The following TET1 variants were observed in gnomAD, a reference collection of about 807,000 sequenced individuals.
TET1 encodes tet methylcytosine dioxygenase 1.
In TET1, 13 loss-of-function variants were observed where a neutral mutation model predicts 148.7. That is an observed-to-expected ratio of 0.09 (90% CI 0.06 to 0.14). The LOEUF (loss-of-function observed/expected upper bound fraction) is 0.14. Ranked by LOEUF, TET1 falls within the 10% of genes least tolerant of loss-of-function variation. TET1 has a pLI of 1.00. For synonymous variants in TET1, 907 were observed against 937.2 expected, an observed-to-expected ratio of 0.97 and a Z score of 0.59; for missense variants, 2,182 against 2,553.8, an observed-to-expected ratio of 0.85 and a Z score of 3.14.
chr10:68,659,331 A>AT lies in TET1; in HGVS notation c.4461+6746dup, dbSNP rs1023983494. Among the ~76,000 whole-genome samples the AT allele has an allele frequency of 5.9e-5, 9 of 151,504 alleles. No homozygotes were observed. In the East Asian group the frequency reaches 7.7e-4, roughly 13 times the overall value. On this transcript the variant is annotated intron_variant, in intron 6 of 11. Coordinates refer to ENST00000373644, the MANE Select transcript of TET1 (RefSeq NM_030625.3). ...ATGTGGCAATGAATACCTACAAGTG[A>AT]TTTTTTTTTCTTTGGAGATGAAGTC... is the stretch of plus-strand genomic sequence containing the variant.
chr10:68,574,094 A>G lies in TET1; in HGVS notation c.1756A>G (p.Lys586Glu). Residue 586 changes from lysine (K) to glutamate (E), a missense_variant, in exon 2 of 12, where the codon AAG (lysine) becomes GAG (glutamate). Physicochemically the swap from Lys to Glu is moderately conservative, Grantham distance 56. This residue lies in a region of TET1 where 226 missense variants were observed against 307.4 expected (regional missense o/e 0.74). Coordinates refer to ENST00000373644, the MANE Select transcript of TET1 (RefSeq NM_030625.3). ...YTTLLPTLEK[K>E]KRKRCGVCEP... Reference sequence around the variant, plus strand: ...CACTTTGCTACCGACTTTGGAAAAGAAGAAAAGAAAGCGATGTGGGGTCTG... The same window carrying G: ...CACTTTGCTACCGACTTTGGAAAAGGAGAAAAGAAAGCGATGTGGGGTCTG... The G allele has an allele frequency of 6.2e-7, 1 of 1,614,190 alleles. No individual in the cohort carries two copies. The highest frequency in any genetic ancestry group is 8.5e-7 in the Non-Finnish European group (1 of 1,180,042).
intron 2 of TET1, among the ~76,000 whole-genome samples, chr10:68,574,953 T>G (rs1657782724): frequency 6.6e-6 from 1 of 152,242 alleles, no homozygotes; most frequent in South Asian, 2.1e-4. Flanking sequence ...TTAGGGAGCT[T>G]GGTTAAAACC....
At chr10:68,608,237 CTATT>C (rs1037440694) in intron 3 of TET1, among the ~76,000 whole-genome samples, 1 of 139,090 alleles carries the variant, frequency 7.2e-6, no homozygotes, top group Non-Finnish European at 1.6e-5. Flanking sequence ...CGACAATGTC[CTATT>C]TATTTATTTA....
intron 3 of TET1, among the ~76,000 whole-genome samples, chr10:68,626,357 T>TTTGC (rs113075071): frequency 4.0e-5 from 6 of 151,888 alleles, no homozygotes; most frequent in South Asian, 2.1e-4. Flanking sequence ...ATACTATTTA[T>TTTGC]TTGCTTGCTT....
chr10:68,690,426 T>C (rs1161771450), intron 11 of TET1, among the ~76,000 whole-genome samples: 1 of 151,988 alleles, frequency 6.6e-6, no homozygotes, highest in African/African-American at 2.4e-5. Context: ...GCTAACACGG[T>C]GAAACCCTGT....
intron 2 of TET1, among the ~76,000 whole-genome samples, chr10:68,583,527 T>C (rs990029941): frequency 6.6e-6 from 1 of 152,106 alleles, no homozygotes; most frequent in Non-Finnish European, 1.5e-5. Flanking sequence ...AAAGAGAAAT[T>C]TTGCTTTTTA....
At chr10:68,601,462 C>G (rs976816195) in intron 3 of TET1, among the ~76,000 whole-genome samples, 2 of 152,112 alleles carry the variant, frequency 1.3e-5, no homozygotes, top group African/African-American at 4.8e-5. Flanking sequence ...TGATTCTTTT[C>G]CAAAGAAAAA....
In TET1 at chr10:68,681,503, G is replaced by A. The variant is rs773333203; in HGVS notation, c.4914+15G>A. 1.9e-6 allele frequency: 3 copies of A among 1,565,348 alleles called. No homozygotes were observed. The highest frequency in any genetic ancestry group is 2.2e-5 in the South Asian group (2 of 88,922). ...ACCAAAATCAGGTATGTATTGGTAT[G>A]AACTTTTTATTTATTTATTAATTTG... On this transcript the variant is annotated intron_variant, in intron 9 of 11. Transcript: ENST00000373644.
chr10:68,660,719 G>A (rs2055095897), intron 6 of TET1, among the ~76,000 whole-genome samples: 1 of 151,382 alleles, frequency 6.6e-6, no homozygotes. Flanking sequence ...GGAGTGCAAT[G>A]ACGCGATCTC....
chr10:68,629,704 A>T (rs923874508), intron 3 of TET1, among the ~76,000 whole-genome samples: 1 of 151,730 alleles, frequency 6.6e-6, no homozygotes, highest in Non-Finnish European at 1.5e-5. Flanking sequence ...CACCCGGCCA[A>T]TTTTTTGTAT....
intron 3 of TET1, among the ~76,000 whole-genome samples, chr10:68,630,489 A>G (rs546563764): frequency 8.7e-4 from 133 of 152,120 alleles, no homozygotes; most frequent in African/African-American, 3.2e-3. Flanking sequence ...TCATTTTTGT[A>G]TTATTAGTAG....
At chr10:68,687,924 T>C (rs76274743) in intron 11 of TET1, among the ~76,000 whole-genome samples, 1 of 151,888 alleles carries the variant, frequency 6.6e-6, no homozygotes, top group African/African-American at 2.4e-5. Flanking sequence ...GGGTTTTGGG[T>C]TTTGGGGTTT....
In TET1 at chr10:68,694,063, G is replaced by A. The variant is rs948871316; in HGVS notation, c.*2249G>A. The A allele has an allele frequency of 5.6e-5, 13 of 231,802 alleles. No homozygotes were observed. Among genetic ancestry groups the A allele is most frequent in the South Asian group, 1.8e-4 (1 of 5,522 alleles). 14.4% of individuals were successfully genotyped at this position (231,802 alleles called of 1,614,324 possible). On this transcript the variant is annotated 3_prime_UTR_variant, in exon 12 of 12. Transcript: ENST00000373644. ...TATCTTCAGTATAATCCATGGTAATGTATGCAGTAATTCAAATTGATCTCT... is the reference window on the plus strand; with the variant it reads ...TATCTTCAGTATAATCCATGGTAATATATGCAGTAATTCAAATTGATCTCT...
intron 2 of TET1, among the ~76,000 whole-genome samples, chr10:68,579,128 A>G (rs1414244943): frequency 6.6e-6 from 1 of 152,234 alleles, no homozygotes; most frequent in East Asian, 1.9e-4. Flanking sequence ...TTACAAAGTA[A>G]CATTTAGCAA....
intron 3 of TET1, among the ~76,000 whole-genome samples, chr10:68,619,553 G>A (rs2054340665): frequency 6.6e-6 from 1 of 152,120 alleles, no homozygotes; most frequent in South Asian, 2.1e-4. Context: ...TATTTTTAAA[G>A]TTTATTTTTA....
At chr10:68,630,667 G>T (rs982521450) in intron 3 of TET1, among the ~76,000 whole-genome samples, 13 of 152,186 alleles carry the variant, frequency 8.5e-5, no homozygotes, top group Non-Finnish European at 1.6e-4. Flanking sequence ...GGTTGACTGA[G>T]TTTGGAATTC....
chr10:68,597,251 C>G (rs1334172156), intron 2 of TET1, among the ~76,000 whole-genome samples: 1 of 151,910 alleles, frequency 6.6e-6, no homozygotes, highest in Non-Finnish European at 1.5e-5. Context: ...CCAGGCTGGT[C>G]TTGAACTCCT....
chr10:68,612,379 C>T lies in TET1; in HGVS notation c.1968+11345C>T, dbSNP rs144964535. Among the ~76,000 whole-genome samples, 762 of 151,992 alleles carry T rather than the reference C, an allele frequency of 5.0e-3. 17 individuals carry two copies. Among genetic ancestry groups the T allele is most frequent in the South Asian group, 0.049 (234 of 4,792 alleles). On this transcript the variant is annotated intron_variant, in intron 3 of 11. Transcript: ENST00000373644. ...TGGTGAGATTACCAGCATGAGCCAC[C>T]GGGCCCGGCCAGTCATTTTGTTTTA...
intron 8 of TET1, among the ~76,000 whole-genome samples, chr10:68,680,912 A>G (rs1241602123): frequency 6.6e-6 from 1 of 152,232 alleles, no homozygotes; most frequent in Non-Finnish European, 1.5e-5. Flanking sequence ...CCATAAGGAC[A>G]TGTGTTTAAT....
Sources: allele counts gnomAD v4.1 joint callset (sites outside exome capture counted in the v4.1 genomes callset), GRCh38; gene constraint gnomAD v4.1.1; regional missense constraint gnomAD v4.1.1; transcripts MANE v1.5; gene names NCBI Gene and HGNC (gene_info 2026-07-23, HGNC 2026-07-21).